The following GRM7 variants were observed in gnomAD, a reference collection of about 807,000 sequenced individuals.
GRM7 encodes glutamate metabotropic receptor 7, also known as metabotropic glutamate receptor 7.
In GRM7, 35 loss-of-function variants were observed where a neutral mutation model predicts 84.5. The ratio of observed to expected loss-of-function variants is 0.41; its 90% CI spans 0.32 to 0.55. GRM7 has a LOEUF of 0.55. Among genes scored for constraint, GRM7 ranks in the 20% least tolerant of loss-of-function variants. The probability of loss-of-function intolerance (pLI) is 0.19; values close to 1 mark genes in which losing one functional copy is unlikely to be tolerated. For synonymous variants in GRM7, 487 were observed against 455.1 expected, an observed-to-expected ratio of 1.07 and a Z score of -0.89; for missense variants, 1,003 against 1,194.6, an observed-to-expected ratio of 0.84 and a Z score of 2.36.
In GRM7 at chr3:7,257,371, G is replaced by A. The variant is rs116758353; in HGVS notation, c.737-41313G>A. On this transcript the variant is annotated intron_variant, in intron 2 of 9. Transcript: ENST00000357716. ...ATCAAAAGAGTTATTTTAATAAAAAGCAATTTAGAGTTTTAAGAAGCAGGC... is the reference window on the plus strand; with the variant it reads ...ATCAAAAGAGTTATTTTAATAAAAAACAATTTAGAGTTTTAAGAAGCAGGC... Among the ~76,000 whole-genome samples, 1,228 of 152,196 alleles carry A rather than the reference G, an allele frequency of 8.1e-3. 10 individuals carry two copies. The highest frequency in any genetic ancestry group is 0.028 in the African/African-American group (1,182 of 41,532).
chr3:6,914,135 C>G (rs545787425), intron 1 of GRM7, among the ~76,000 whole-genome samples: 2 of 152,242 alleles, frequency 1.3e-5, no homozygotes, highest in South Asian at 4.1e-4. Context: ...AGGACTGAAT[C>G]CTCCTTTGCC....
intron 8 of GRM7, among the ~76,000 whole-genome samples, chr3:7,596,009 C>G (rs555279236): frequency 6.6e-6 from 1 of 152,130 alleles, no homozygotes; most frequent in African/African-American, 2.4e-5. Context: ...AAAGTGGAAG[C>G]AGGAAGATAA....
At chr3:7,734,255 G>GGT (rs1553643320) in intron 9 of GRM7, among the ~76,000 whole-genome samples, 2 of 120,948 alleles carry the variant, frequency 1.7e-5, no homozygotes, top group African/African-American at 5.7e-5. Context: ...GGCGGGGGGG[G>GGT]GGTTTCCTCT....
At chr3:7,319,519 T>A (rs1220828330) in intron 4 of GRM7, among the ~76,000 whole-genome samples, 2 of 152,042 alleles carry the variant, frequency 1.3e-5, no homozygotes, top group Non-Finnish European at 2.9e-5. Context: ...GCATTTGATA[T>A]CAACCTAGTG....
Position 7,712,419 on chromosome 3 carries a change from C to T in GRM7, c.2699-27938C>T, listed in dbSNP as rs117177781. Among the ~76,000 whole-genome samples the T allele has an allele frequency of 1.2e-3, 177 of 151,782 alleles. 2 individuals are homozygous for T. In the East Asian group the frequency reaches 0.028, roughly 24 times the overall value. ...TGTGGAAAGATGACTTTCTCTCTCT[C>T]TTCCTCCTCCCTCTCCTTCTCTCTC... On this transcript the variant is annotated intron_variant, in intron 9 of 9. Transcript: ENST00000357716.
rs570066312 is a variant in GRM7, at chr3:7,604,556, G to A, written c.2451+25199G>A. On this transcript the variant is annotated intron_variant, in intron 8 of 9. Coordinates refer to ENST00000357716, the MANE Select transcript of GRM7 (RefSeq NM_000844.4). ...TCCATACCCATAATGCTCAGACCCC[G>A]TAAAGCCAGGTACCTGGTCAGTTTT... 3.3e-5 allele frequency among the ~76,000 whole-genome samples: 5 copies of A among 152,168 alleles called. 1 individual carries two copies. The South Asian group carries it at 1.0e-3, about 32-fold the overall frequency.
At chr3:6,899,496 T>C (rs1696311068) in intron 1 of GRM7, among the ~76,000 whole-genome samples, 1 of 152,122 alleles carries the variant, frequency 6.6e-6, no homozygotes, top group African/African-American at 2.4e-5. Context: ...AGTGCTAAGT[T>C]CTCTAGAGGT....
chr3:7,549,469 A>T (rs1331560089), intron 7 of GRM7, among the ~76,000 whole-genome samples: 1 of 152,202 alleles, frequency 6.6e-6, no homozygotes, highest in Admixed American at 6.5e-5. Context: ...GGTTGTAAAC[A>T]TTTACCACTA....
At chr3:7,021,096 T>C (rs1421279666) in intron 1 of GRM7, among the ~76,000 whole-genome samples, 2 of 152,206 alleles carry the variant, frequency 1.3e-5, no homozygotes, top group African/African-American at 4.8e-5. Context: ...TGACACCTTA[T>C]TATCTTTGAG....
chr3:7,730,307 GT>G (rs907096691), intron 9 of GRM7, among the ~76,000 whole-genome samples: 43 of 152,066 alleles, frequency 2.8e-4, no homozygotes, highest in African/African-American at 1.0e-3. Flanking sequence ...CACCTGGCCT[GT>G]TTTTTTGTTT....
chr3:7,385,109 T>G (rs1694733394), intron 4 of GRM7, among the ~76,000 whole-genome samples: 1 of 152,054 alleles, frequency 6.6e-6, no homozygotes, highest in African/African-American at 2.4e-5. Context: ...GTGCGAACAA[T>G]AACTTGATAA....
chr3:7,257,338 C>T (rs1485543643), intron 2 of GRM7, among the ~76,000 whole-genome samples: 1 of 152,182 alleles, frequency 6.6e-6, no homozygotes, highest in Non-Finnish European at 1.5e-5. Flanking sequence ...ATATCTTGAT[C>T]ATTCAAGATC....
chr3:7,441,250 AT>A (rs1476424996), intron 5 of GRM7, among the ~76,000 whole-genome samples: 1 of 151,844 alleles, frequency 6.6e-6, no homozygotes, highest in Non-Finnish European at 1.5e-5. Context: ...GATGTTGAGC[AT>A]TTTTTTCATG....
At chr3:7,542,906 C>T (rs745926465) in intron 7 of GRM7, among the ~76,000 whole-genome samples, 1 of 152,088 alleles carries the variant, frequency 6.6e-6, no homozygotes, top group Non-Finnish European at 1.5e-5. Context: ...ATTTCATTAT[C>T]GACTTGCGTA....
intron 7 of GRM7, among the ~76,000 whole-genome samples, chr3:7,550,987 T>G (rs1452756823): frequency 6.6e-6 from 1 of 152,222 alleles, no homozygotes; most frequent in Non-Finnish European, 1.5e-5. Context: ...CCCATTCATC[T>G]TCCTATGGGT....
intron 8 of GRM7, chr3:7,608,115 C>G (rs1179327965): frequency 9.1e-6 from 2 of 219,416 alleles, no homozygotes; most frequent in Non-Finnish European, 2.0e-5. Flanking sequence ...ACCACATTTT[C>G]TTTATCCACT....
chr3:7,306,663 C>A lies in GRM7; in HGVS notation c.1033+11C>A. 6.3e-7 allele frequency: 1 copy of A among 1,581,708 alleles called. No individual in the cohort carries two copies. The highest frequency in any genetic ancestry group is 8.6e-7 in the Non-Finnish European group (1 of 1,163,250). ...GAGCCACGGTGGAAGGTATGGGTTTCATCAGCAGTAGGTTTGCTGAGAGAA... is the reference window on the plus strand; with the variant it reads ...GAGCCACGGTGGAAGGTATGGGTTTAATCAGCAGTAGGTTTGCTGAGAGAA... On this transcript the variant is annotated intron_variant, in intron 4 of 9. Transcript: ENST00000357716.
At chr3:7,171,065 C>T (rs1307149873) in intron 2 of GRM7, among the ~76,000 whole-genome samples, 1 of 152,158 alleles carries the variant, frequency 6.6e-6, no homozygotes, top group Non-Finnish European at 1.5e-5. Context: ...TACCTCACTG[C>T]TATCACAAAG....
At chr3:7,534,063 G>A (rs908765866) in intron 7 of GRM7, among the ~76,000 whole-genome samples, 9 of 145,928 alleles carry the variant, frequency 6.2e-5, no homozygotes, top group African/African-American at 1.5e-4. Context: ...TACCAAGGCT[G>A]GAGTGCAGTA....
Sources: allele counts gnomAD v4.1 joint callset (sites outside exome capture counted in the v4.1 genomes callset), GRCh38; gene constraint gnomAD v4.1.1; transcripts MANE v1.5; gene names NCBI Gene and HGNC (gene_info 2026-07-23, HGNC 2026-07-21).